TXNIP: variants seen among roughly 807,000 people sequenced by gnomAD.
The protein encoded by TXNIP is thioredoxin interacting protein.
TXNIP carries 23 observed loss-of-function variants against 43.9 expected under a neutral mutation model. The ratio of observed to expected loss-of-function variants is 0.52; its 90% confidence interval spans 0.38 to 0.74. The LOEUF is 0.74. Ranked by LOEUF, TXNIP falls within the 30% of genes least tolerant of loss-of-function variation. The pLI, the probability that TXNIP is intolerant of heterozygous loss-of-function variation, is 0.00. For synonymous variants in TXNIP, 234 were observed against 172.2 expected, an observed-to-expected ratio of 1.36 and a Z score of -2.81; for missense variants, 555 against 485.4, an observed-to-expected ratio of 1.14 and a Z score of -1.35.
In TXNIP at chr1:145,994,975, C is replaced by A. The variant is rs1457256972; in HGVS notation, c.528G>T (p.Gly176=). 68 of 1,614,048 alleles carry A rather than the reference C, an allele frequency of 4.2e-5. No homozygotes were observed. The highest frequency in any genetic ancestry group is 5.5e-5 in the Non-Finnish European group (65 of 1,180,054). The change falls in exon 4 of 8, where the codon GGG becomes GGT. Residue 176 remains glycine (G), a synonymous_variant. Transcript: ENST00000582401. ...CAATTCGAGCAGAGACAGACACCCG[C>A]CCATCAGGAATGAACATGCAGGAAA... ...KKVSCMFIPD[G]RVSVSARIDR...
Position 145,994,513 on chromosome 1 carries a change from T to C in TXNIP, c.831+31A>G, listed in dbSNP as rs782666442. ...CAGCTGTGGTAACAGATGAACAATT[T>C]CTCTGCTGAAGCCACCCTGCATCTA... On this transcript the variant is annotated intron_variant, in intron 5 of 7. Transcript: ENST00000582401. 18 of 1,613,460 alleles carry C rather than the reference T, an allele frequency of 1.1e-5. No individual in the cohort carries two copies. In the East Asian group the frequency reaches 2.9e-4, roughly 26 times the overall value.
In TXNIP at chr1:145,995,869, C is replaced by T. The variant is rs2101963648; in HGVS notation, c.250+148G>A. On this transcript the variant is annotated intron_variant, in intron 1 of 7. Transcript: ENST00000582401. ...TTTTTTTGGGGGGGGAGGAGAATGT[C>T]TGCAAATTAAAACAGAAAAAAGGAA... The T allele has an allele frequency of 6.0e-6, 6 of 1,002,310 alleles. No homozygotes were observed. The East Asian group carries it at 1.3e-4, about 21-fold the overall frequency. The allele number at this position is 1,002,310 out of a possible 1,614,324, so 62.1% of individuals were successfully genotyped here. A position where few individuals can be genotyped will look rare whatever the true frequency, so the allele number is the denominator to read the frequency against.
At position 145,996,178 on chromosome 1, in the gene TXNIP, C is replaced by T. The variant is rs782138298; in HGVS notation, c.89G>A (p.Arg30Gln). Reference sequence around the variant, plus strand: ...AACTTCACACACCTCCACTATCACCCGGCCAGCCACCTTCTCGCCACTGCC... The same window carrying T: ...AACTTCACACACCTCCACTATCACCTGGCCAGCCACCTTCTCGCCACTGCC... ...VYGSGEKVAG[R>Q]VIVEVCEVTR... The change falls in exon 1 of 8, where the codon CGG becomes CAG. Residue 30 changes from arginine (R) to glutamine (Q), a missense_variant. Coordinates refer to ENST00000582401, the MANE Select transcript of TXNIP (RefSeq NM_006472.6). 361 of 1,613,924 alleles carry T rather than the reference C, an allele frequency of 2.2e-4. No individual in the cohort carries two copies. The highest frequency in any genetic ancestry group is 5.0e-4 in the Admixed American group (30 of 59,982).
At chr1:145,994,822 A>T (rs369776398) in intron 4 of TXNIP, 22 bp from the exon 5 acceptor site, 89 of 1,613,842 alleles carry the variant, frequency 5.5e-5, no homozygotes, top group Middle Eastern at 1.6e-4. Flanking sequence ...AAAGATGAAA[A>T]CTTACTGATA....
At chr1:145,995,529 G>A (rs1553766393) in intron 1 of TXNIP, 53 bp from the exon 2 acceptor site, 1 of 1,531,926 alleles carries the variant, frequency 6.5e-7, no homozygotes, top group Non-Finnish European at 9.0e-7. Flanking sequence ...CACTTAAAAT[G>A]CATCTGTGTG....
In TXNIP at chr1:145,996,290, A is replaced by G; in HGVS notation, c.-24T>C. The G allele has an allele frequency of 6.3e-7, 1 of 1,588,254 alleles. No homozygotes were observed. Among genetic ancestry groups the G allele is most frequent in the Non-Finnish European group, 8.6e-7 (1 of 1,167,198 alleles). On this transcript the variant is annotated 5_prime_UTR_variant, in exon 1 of 8. Transcript: ENST00000582401. ...ATGATGGAACTGAGTTGGTTTTAAGAGTTAGAAATGACGGTGGAAGAAAAA... is the reference window on the plus strand; with the variant it reads ...ATGATGGAACTGAGTTGGTTTTAAGGGTTAGAAATGACGGTGGAAGAAAAA...
In TXNIP at chr1:145,996,287, A is replaced by T; in HGVS notation, c.-21T>A. On this transcript the variant is annotated 5_prime_UTR_variant, in exon 1 of 8. Transcript: ENST00000582401. Reference sequence around the variant, plus strand: ...ACCATGATGGAACTGAGTTGGTTTTAAGAGTTAGAAATGACGGTGGAAGAA... The same window carrying T: ...ACCATGATGGAACTGAGTTGGTTTTTAGAGTTAGAAATGACGGTGGAAGAA... The T allele has an allele frequency of 6.3e-7, 1 of 1,588,686 alleles. No homozygotes were observed. The highest frequency in any genetic ancestry group is 1.1e-5 in the South Asian group (1 of 87,244).
rs781865277 is a variant in TXNIP, at chr1:145,994,383, T to C, written c.886A>G (p.Ile296Val). 2 of 1,614,126 alleles carry C rather than the reference T, an allele frequency of 1.2e-6. No individual in the cohort carries two copies. Among genetic ancestry groups the C allele is most frequent in the South Asian group, 2.2e-5 (2 of 91,076 alleles). ...KKVILDLPLV[I>V]GSRSGLSSRT... is the part of the protein sequence containing the mutation. ...CTGCTTAGACCTGATCTGCTGCCAATTACCAGGGGCAGGTCAAGGATGACC... is the reference window on the plus strand; with the variant it reads ...CTGCTTAGACCTGATCTGCTGCCAACTACCAGGGGCAGGTCAAGGATGACC... The change falls in exon 6 of 8, where the codon ATT becomes GTT. Residue 296 changes from isoleucine to valine, a missense_variant. Coordinates refer to ENST00000582401, the MANE Select transcript of TXNIP (RefSeq NM_006472.6).
Position 145,995,257 on chromosome 1 carries a change from A to C in TXNIP, c.358T>G (p.Cys120Gly), listed in dbSNP as rs782338635. Residue 120 changes from cysteine (C) to glycine (G), a missense_variant, in exon 3 of 8, where the codon TGT becomes GGT. Transcript: ENST00000582401. Reference sequence around the variant, plus strand: ...AAAGCCTTCACCCAGTAGTCTACACACCCATATTTTCCTTTGAAGGATGTT... The same window carrying C: ...AAAGCCTTCACCCAGTAGTCTACACCCCCATATTTTCCTTTGAAGGATGTT... The part of the protein sequence containing the change: ...LGTSFKGKYG[C>G]VDYWVKAFLD... The C allele has an allele frequency of 6.2e-7, 1 of 1,614,120 alleles. No homozygotes were observed. The highest frequency in any genetic ancestry group is 1.1e-5 in the South Asian group (1 of 91,082).
At position 145,996,013 on chromosome 1, in the gene TXNIP, T is replaced by C; in HGVS notation, c.250+4A>G. ...ACCCTCCAACAATGAATTGGGCCGC[T>C]TACCTGTTGGCTGGTCTTCCAGAAG... On this transcript the variant is annotated splice_donor_region_variant and intron_variant, in intron 1 of 7. Transcript: ENST00000582401. 1 of 1,612,738 alleles carries C rather than the reference T, an allele frequency of 6.2e-7. No homozygotes were observed. The highest frequency in any genetic ancestry group is 1.1e-5 in the South Asian group (1 of 91,028).
At position 145,996,324 on chromosome 1, in the gene TXNIP, C is replaced by A; in HGVS notation, c.-58G>T. The A allele has an allele frequency of 6.4e-7, 1 of 1,559,444 alleles. No homozygotes were observed. ...TGACGGTGGAAGAAAAAAAAAGCTC[C>A]AAATCGAGGAAACCCCTTTGCAAAA... On this transcript the variant is annotated 5_prime_UTR_variant, in exon 1 of 8. Transcript: ENST00000582401.
Position 145,994,297 on chromosome 1 carries a change from G to C in TXNIP, c.972C>G (p.Ile324Met), listed in dbSNP as rs781968828. 1 of 1,613,954 alleles carries C rather than the reference G, an allele frequency of 6.2e-7. No individual in the cohort carries two copies. The highest frequency in any genetic ancestry group is 1.3e-5 in the African/African-American group (1 of 74,872). ...SSEMSWVDLNIPDTPEAPPCY... is the reference protein window; with the variant it reads ...SSEMSWVDLNMPDTPEAPPCY... ...CTGGCTCACCTTCTGGGGTATCAGG[G>C]ATGTTCAGATCTACCCAACTCATCT... is the stretch of plus-strand genomic sequence containing the variant. Residue 324 changes from isoleucine (I) to methionine (M), a missense_variant, in exon 6 of 8, where the codon ATC becomes ATG. Transcript: ENST00000582401.
intron 4 of TXNIP, 37 bp downstream of exon 4, chr1:145,994,892 G>C: frequency 6.2e-7 from 1 of 1,613,942 alleles, no homozygotes; most frequent in Non-Finnish European, 8.5e-7. Flanking sequence ...CCTAAACCCA[G>C]TTCCTGTTTT....
intron 1 of TXNIP, chr1:145,995,766 G>A: frequency 1.6e-6 from 1 of 613,590 alleles, no homozygotes; most frequent in South Asian, 2.1e-5. Flanking sequence ...GCACACATAA[G>A]ACTTTAACTA....
rs1458201715 is a variant in TXNIP at position 145,993,373 on chromosome 1, C to T, written c.*478G>A. 6.4e-6 allele frequency: 1 copy of T among 155,294 alleles called. No homozygotes were observed. Among genetic ancestry groups the T allele is most frequent in the African/African-American group, 2.4e-5 (1 of 41,442 alleles). The allele number at this position is 155,294 out of a possible 1,614,324, so 9.6% of individuals were successfully genotyped here. A position where few individuals can be genotyped will look rare whatever the true frequency, so the allele number is the denominator to read the frequency against. ...GGGAAACACTGATTTTAAGAACCTC[C>T]TTTTCCCAAAGTTTTGGCCACAATT... is the stretch of plus-strand genomic sequence containing the variant. On this transcript the variant is annotated 3_prime_UTR_variant, in exon 8 of 8. Coordinates refer to ENST00000582401, the MANE Select transcript of TXNIP (RefSeq NM_006472.6).
rs1425637740 is a variant in TXNIP at position 145,992,811 on chromosome 1, G to C, written c.*1040C>G. 2 of 152,660 alleles carry C rather than the reference G, an allele frequency of 1.3e-5. No homozygotes were observed. The highest frequency in any genetic ancestry group is 1.3e-4 in the Admixed American group (2 of 15,272). 9.5% of individuals were successfully genotyped at this position (152,660 alleles called of 1,614,324 possible). On this transcript the variant is annotated 3_prime_UTR_variant, in exon 8 of 8. Transcript: ENST00000582401. Reference sequence around the variant, plus strand: ...GCAGTATTTGGAGGTTCTGATCACAGGGTTGGGCATCTTGATCAAGAGTTC... The same window carrying C: ...GCAGTATTTGGAGGTTCTGATCACACGGTTGGGCATCTTGATCAAGAGTTC...
At position 145,994,474 on chromosome 1, in the gene TXNIP, C is replaced by G. The variant is rs782810799; in HGVS notation, c.832-37G>C. On this transcript the variant is annotated intron_variant, in intron 5 of 7. Transcript: ENST00000582401. ...GATGGCAGTTTATTACACCAGAGGT[C>G]TGGAGAAACAAGACAGCTGTGGTAA... The G allele has an allele frequency of 2.3e-5, 37 of 1,613,068 alleles. No homozygotes were observed. In the Admixed American group the frequency reaches 6.2e-4, roughly 27 times the overall value.
chr1:145,994,914 G>A lies in TXNIP; in HGVS notation c.574+15C>T. The A allele has an allele frequency of 1.2e-6, 2 of 1,614,116 alleles. No homozygotes were observed. Among genetic ancestry groups the A allele is most frequent in the African/African-American group, 1.3e-5 (1 of 75,054 alleles). On this transcript the variant is annotated intron_variant, in intron 4 of 7. Transcript: ENST00000582401. ...CCAGTTCCTGTTTTAACTGCCATAA[G>A]CACTAGGATTTTACCTTCACAGAAT...
Position 145,993,565 on chromosome 1 carries a change from T to C in TXNIP, c.*286A>G, listed in dbSNP as rs1020648610. ...CCCGAAACTATCGAAAAGGCCTCAA[T>C]TTTCAAGGAGATCTGAGAAAATGGA... On this transcript the variant is annotated 3_prime_UTR_variant, in exon 8 of 8. Coordinates refer to ENST00000582401, the MANE Select transcript of TXNIP (RefSeq NM_006472.6). 36 of 325,406 alleles carry C rather than the reference T, an allele frequency of 1.1e-4. No homozygotes were observed. The highest frequency in any genetic ancestry group is 5.1e-5 in the Non-Finnish European group (9 of 175,304). The allele number at this position is 325,406 out of a possible 1,614,324, so 20.2% of individuals were successfully genotyped here.
Sources: gnomAD v4.1 joint callset for allele counts on GRCh38, gnomAD v4.1.1 for gene constraint, MANE v1.5 for transcripts, NCBI Gene and HGNC (gene_info 2026-07-23, HGNC 2026-07-21) for gene names.